Variants in CLIP2 observed in about 807,000 individuals in gnomAD.
The protein encoded by CLIP2 is CAP-Gly domain containing linker protein 2, also known as CAP-Gly domain-containing linker protein 2.
CLIP2 carries 41 observed loss-of-function variants against 111.7 expected under a neutral mutation model. The observed-to-expected ratio is 0.37, with a 90% confidence interval of 0.29 to 0.48. CLIP2 has a LOEUF of 0.48. Ranked by LOEUF, CLIP2 falls within the 20% of genes least tolerant of loss-of-function variation. The pLI, the probability that CLIP2 is intolerant of heterozygous loss-of-function variation, is 0.99. For missense variants in CLIP2, 1,160 were observed against 1,422.1 expected, an observed-to-expected ratio of 0.82 and a Z score of 2.96; for synonymous variants, 660 against 644.2, an observed-to-expected ratio of 1.02 and a Z score of -0.37.
At chr7:74,397,292 G>A (rs1791483711) in intron 14 of CLIP2, 59 bp downstream of exon 14, 5 of 1,559,512 alleles carry the variant, frequency 3.2e-6, no homozygotes, top group Non-Finnish European at 4.4e-6. Context: ...GGCTGGGCTA[G>A]CCTTGCTGTC....
intron 1 of CLIP2, among the ~76,000 whole-genome samples, chr7:74,294,518 C>A (rs1054480984): frequency 2.6e-5 from 4 of 152,184 alleles, no homozygotes; most frequent in Non-Finnish European, 5.9e-5. Flanking sequence ...GCTCCCGATT[C>A]ATTTCCCTCC....
chr7:74,388,881 A>G, intron 12 of CLIP2: 1 of 418,530 alleles, frequency 2.4e-6, no homozygotes, highest in Non-Finnish European at 4.2e-6. Context: ...GCTTGAGCTC[A>G]GGAGTTGGAG....
At chr7:74,317,793 G>T in intron 2 of CLIP2, 126 bp downstream of exon 2, 1 of 1,195,698 alleles carries the variant, frequency 8.4e-7, no homozygotes, top group Non-Finnish European at 1.1e-6. Context: ...AGTGTCATGA[G>T]CTCCTGTAAT....
chr7:74,370,279 AC>A lies in CLIP2; in HGVS notation c.1381-2650del, dbSNP rs1252264607. Among the ~76,000 whole-genome samples, 3 of 151,762 alleles carry A rather than the reference AC, an allele frequency of 2.0e-5. 1 individual carries two copies. The highest frequency in any genetic ancestry group is 2.0e-4 in the Admixed American group (3 of 15,196). ...AAACCATCCTGGCTACCATGGTGAA[AC>A]CCTGTCTCTACTAAAAATACAAAAA... On this transcript the variant is annotated intron_variant, in intron 8 of 16. Coordinates refer to ENST00000223398, the MANE Select transcript of CLIP2 (RefSeq NM_003388.5).
chr7:74,303,674 G>A (rs1788399473), intron 1 of CLIP2, among the ~76,000 whole-genome samples: 1 of 151,138 alleles, frequency 6.6e-6, no homozygotes, highest in Non-Finnish European at 1.5e-5. Flanking sequence ...CACTTTGGGA[G>A]GTGAAGGCAG....
chr7:74,300,003 T>C (rs1554726569), intron 1 of CLIP2, among the ~76,000 whole-genome samples: 1 of 145,254 alleles, frequency 6.9e-6, no homozygotes, highest in Admixed American at 6.9e-5. Flanking sequence ...AGCTTTTTTT[T>C]TGGACGGAAT....
At chr7:74,317,274 A>AT (rs148859649) in intron 1 of CLIP2, among the ~76,000 whole-genome samples, 50 of 152,244 alleles carry the variant, frequency 3.3e-4, no homozygotes, top group African/African-American at 1.2e-3. Flanking sequence ...TGTCCTGCCC[A>AT]TGCAGTAGAG....
At chr7:74,297,009 G>T (rs1213036026) in intron 1 of CLIP2, among the ~76,000 whole-genome samples, 1 of 152,202 alleles carries the variant, frequency 6.6e-6, no homozygotes, top group Admixed American at 6.6e-5. Flanking sequence ...CTGATCAGCA[G>T]TGGGTCGCCT....
chr7:74,399,601 A>G (rs1467285603), intron 14 of CLIP2, among the ~76,000 whole-genome samples: 2 of 148,474 alleles, frequency 1.3e-5, no homozygotes, highest in Non-Finnish European at 3.0e-5. Flanking sequence ...GTGCAGTGGC[A>G]TGATCTTGGC....
At chr7:74,318,727 G>A (rs776836791) in intron 2 of CLIP2, among the ~76,000 whole-genome samples, 21 of 151,986 alleles carry the variant, frequency 1.4e-4, no homozygotes, top group Non-Finnish European at 2.8e-4. Flanking sequence ...AAAAAATGAC[G>A]ATCGTTTGTT....
chr7:74,372,400 C>G (rs1209608617), intron 8 of CLIP2, among the ~76,000 whole-genome samples: 4 of 24,570 alleles, frequency 1.6e-4, no homozygotes, highest in Non-Finnish European at 2.3e-4. Flanking sequence ...TAGCACAGGC[C>G]TTGGGGGGGG....
chr7:74,349,618 T>C lies in CLIP2; in HGVS notation c.679-4262T>C, dbSNP rs190882228. Among the ~76,000 whole-genome samples the C allele has an allele frequency of 1.3e-3, 195 of 151,006 alleles. 1 individual carries two copies. In the Middle Eastern group the frequency reaches 0.02, roughly 16 times the overall value. On this transcript the variant is annotated intron_variant, in intron 3 of 16. Transcript: ENST00000223398. ...GAAGCCAGACACAAATGGCCACATA[T>C]TGTGTGATTCCATTTCCTTTTGAGA...
At position 74,389,204 on chromosome 7, in the gene CLIP2, C is replaced by G. The variant is rs1554315365; in HGVS notation, c.2665C>G (p.His889Asp). 2.5e-6 allele frequency: 4 copies of G among 1,612,854 alleles called. No individual in the cohort carries two copies. In the South Asian group the frequency reaches 4.4e-5, roughly 18 times the overall value. ...GCTGGAGACCGTGTCCCGGAAGACC[C>G]ATGACGCCTCGGGCCAGCTAGTCCT... is the stretch of plus-strand genomic sequence containing the variant. ...AELETVSRKT[H>D]DASGQLVLIS... The change falls in exon 13 of 17, where the codon CAT becomes GAT. Residue 889 changes from histidine to aspartate, a missense_variant. This residue lies in a region of CLIP2 where 676 missense variants were observed against 777.8 expected (regional missense o/e 0.87). Transcript: ENST00000223398.
At chr7:74,322,981 G>C (rs981876966) in intron 2 of CLIP2, among the ~76,000 whole-genome samples, 1 of 151,892 alleles carries the variant, frequency 6.6e-6, no homozygotes, top group Non-Finnish European at 1.5e-5. Context: ...CACCTGCTTC[G>C]GCCTTCCAAA....
intron 13 of CLIP2, among the ~76,000 whole-genome samples, chr7:74,396,064 C>T (rs1791438193): frequency 6.6e-6 from 1 of 152,178 alleles, no homozygotes; most frequent in Admixed American, 6.6e-5. Context: ...GTAGTAGTTG[C>T]AGGCAAGGGA....
intron 8 of CLIP2, 103 bp downstream of exon 8, chr7:74,364,418 G>A: frequency 9.9e-7 from 1 of 1,012,316 alleles, no homozygotes; most frequent in Non-Finnish European, 1.5e-6. Context: ...GGCCCCCCCG[G>A]GGAAGGGGCT....
intron 1 of CLIP2, among the ~76,000 whole-genome samples, chr7:74,296,397 C>T (rs1325814904): frequency 1.3e-5 from 2 of 152,130 alleles, no homozygotes; most frequent in Non-Finnish European, 2.9e-5. Context: ...GTAATCCCAG[C>T]TACTCGGGAG....
intron 5 of CLIP2, 49 bp downstream of exon 5, chr7:74,356,672 G>C (rs1554308551): frequency 1.1e-5 from 17 of 1,532,182 alleles, no homozygotes; most frequent in Non-Finnish European, 1.4e-5. Context: ...GTTTGGGAGG[G>C]GTGAGGATGT....
At chr7:74,362,325 C>G (rs1244227538) in intron 7 of CLIP2, among the ~76,000 whole-genome samples, 1 of 152,020 alleles carries the variant, frequency 6.6e-6, no homozygotes, top group African/African-American at 2.4e-5. Flanking sequence ...AGCAGCCAGC[C>G]CCCATCCCCA....
Sources: gnomAD v4.1 joint callset for allele counts (sites outside exome capture counted in the v4.1 genomes callset) on GRCh38, gnomAD v4.1.1 for gene constraint, gnomAD v4.1.1 regional missense constraint, MANE v1.5 for transcripts, NCBI Gene and HGNC (gene_info 2026-07-23, HGNC 2026-07-21) for gene names.